The following MRPL30 variants were observed in gnomAD, a reference collection of about 807,000 sequenced individuals.
MRPL30 encodes the protein mitochondrial ribosomal protein L30.
A neutral mutation model predicts 17.2 loss-of-function variants in MRPL30; 10 were observed. The ratio of observed to expected loss-of-function variants is 0.58; its 90% CI spans 0.36 to 0.99. MRPL30 has a LOEUF of 0.99. Among genes scored for constraint, MRPL30 ranks in the 50% least tolerant of loss-of-function variants. The pLI is 0.01. For missense variants in MRPL30, 170 were observed against 189.8 expected (o/e 0.90, Z 0.61); for synonymous variants, 61 against 62.1 (o/e 0.98, Z 0.08).
intron 3 of MRPL30, among the ~76,000 whole-genome samples, chr2:99,193,277 C>G (rs2093949944): frequency 6.6e-6 from 1 of 152,214 alleles, no homozygotes; most frequent in Admixed American, 6.5e-5. Context: ...CAATGAGATA[C>G]TACCTCATGC....
chr2:99,184,601 G>C (rs746153238), intron 1 of MRPL30, among the ~76,000 whole-genome samples: 167 of 152,198 alleles, frequency 1.1e-3, no homozygotes, highest in Non-Finnish European at 1.7e-3. Flanking sequence ...ATTTATTGCT[G>C]ATATACAAAA....
rs1462673010 is a variant in MRPL30 at position 99,198,976 on chromosome 2, A to G, written c.*3271A>G. Among the ~76,000 whole-genome samples the G allele has an allele frequency of 6.6e-6, 1 of 152,000 alleles. No homozygotes were observed. The highest frequency in any genetic ancestry group is 1.5e-5 in the Non-Finnish European group (1 of 67,996). Reference sequence around the variant, plus strand: ...TTTTCTCATAAGAATGCTAGCTAGTATGCCTATTATCTAACTGGCACAGTT... The same window carrying G: ...TTTTCTCATAAGAATGCTAGCTAGTGTGCCTATTATCTAACTGGCACAGTT... On this transcript the variant is annotated 3_prime_UTR_variant, in exon 6 of 6. Coordinates refer to ENST00000338148, the MANE Select transcript of MRPL30 (RefSeq NM_145212.4).
At chr2:99,183,521 A>G (rs1468158840) in intron 1 of MRPL30, among the ~76,000 whole-genome samples, 1 of 150,384 alleles carries the variant, frequency 6.6e-6, no homozygotes, top group African/African-American at 2.4e-5. Context: ...GTGAGCCAAG[A>G]TTGGGCCACT....
intron 3 of MRPL30, among the ~76,000 whole-genome samples, chr2:99,191,213 G>T (rs1270226986): frequency 6.6e-6 from 1 of 151,992 alleles, no homozygotes; most frequent in Non-Finnish European, 1.5e-5. Flanking sequence ...CACCATGCTG[G>T]CCAGGATGGT....
At chr2:99,184,110 A>G (rs1241158129) in intron 1 of MRPL30, among the ~76,000 whole-genome samples, 1 of 152,014 alleles carries the variant, frequency 6.6e-6, no homozygotes, top group East Asian at 1.9e-4. Flanking sequence ...TTTGGTTTGG[A>G]TTATAAGCCA....
In MRPL30 at chr2:99,198,999, G is replaced by A. The variant is rs1033766838; in HGVS notation, c.*3294G>A. ...GTATGCCTATTATCTAACTGGCACA[G>A]TTTCACCAAGGACAGTTTGGAACTA... On this transcript the variant is annotated 3_prime_UTR_variant, in exon 6 of 6. Coordinates refer to ENST00000338148, the MANE Select transcript of MRPL30 (RefSeq NM_145212.4). Among the ~76,000 whole-genome samples the A allele has an allele frequency of 2.0e-5, 3 of 151,806 alleles. No individual in the cohort carries two copies. The highest frequency in any genetic ancestry group is 6.6e-5 in the Admixed American group (1 of 15,226).
intron 3 of MRPL30, among the ~76,000 whole-genome samples, chr2:99,189,736 G>A (rs927823702): frequency 6.6e-6 from 1 of 152,086 alleles, no homozygotes. Context: ...TGTTTTGGGT[G>A]GGGGGTTCCT....
At chr2:99,195,532 A>C in intron 5 of MRPL30, 41 bp from the exon 6 acceptor site, 5 of 1,574,444 alleles carry the variant, frequency 3.2e-6, no homozygotes, top group Non-Finnish European at 4.3e-6. Flanking sequence ...AGAACGCTAG[A>C]ACGTATTCCT....
At chr2:99,181,840 C>T (rs1459465720) in intron 1 of MRPL30, among the ~76,000 whole-genome samples, 1 of 152,198 alleles carries the variant, frequency 6.6e-6, no homozygotes, top group Non-Finnish European at 1.5e-5. Flanking sequence ...AAGAGACACG[C>T]TTCCAGCTTT....
intron 3 of MRPL30, among the ~76,000 whole-genome samples, chr2:99,193,952 C>T (rs1018944426): frequency 1.1e-4 from 17 of 151,318 alleles, no homozygotes; most frequent in African/African-American, 2.4e-4. Flanking sequence ...GCAAGAGAAT[C>T]GCTTGAACCT....
rs1376895954 is a variant in MRPL30 at position 99,195,557 on chromosome 2, T to C, written c.354-16T>C. 2.8e-5 allele frequency: 44 copies of C among 1,591,020 alleles called. No homozygotes were observed. Among genetic ancestry groups the C allele is most frequent in the Non-Finnish European group, 3.6e-5 (42 of 1,173,912 alleles). ...AACGTATTCCTCCTATCTAAACGCA[T>C]TTTCTTGTGTCACAGAATCAAGCCC... is the stretch of plus-strand genomic sequence containing the variant. On this transcript the variant is annotated splice_polypyrimidine_tract_variant and intron_variant, in intron 5 of 5. Coordinates refer to ENST00000338148, the MANE Select transcript of MRPL30 (RefSeq NM_145212.4).
rs149730987 is a variant in MRPL30 at position 99,197,990 on chromosome 2, G to A, written c.*2285G>A. On this transcript the variant is annotated 3_prime_UTR_variant, in exon 6 of 6. Transcript: ENST00000338148. ...TGTGTAAATAGGGGAAAATACCATGGTTAATTTTTACTCAAACAGTAAGAA... is the reference window on the plus strand; with the variant it reads ...TGTGTAAATAGGGGAAAATACCATGATTAATTTTTACTCAAACAGTAAGAA... Among the ~76,000 whole-genome samples the A allele has an allele frequency of 6.6e-6, 1 of 152,178 alleles. No individual in the cohort carries two copies. The highest frequency in any genetic ancestry group is 2.4e-5 in the African/African-American group (1 of 41,518).
intron 1 of MRPL30, among the ~76,000 whole-genome samples, chr2:99,181,728 C>G (rs866094585): frequency 2.0e-5 from 3 of 151,952 alleles, no homozygotes; most frequent in Middle Eastern, 3.4e-3. Context: ...TGATTTGTTA[C>G]CATTTTGATC....
At position 99,195,863 on chromosome 2, in the gene MRPL30, C is replaced by T; in HGVS notation, c.*158C>T. On this transcript the variant is annotated 3_prime_UTR_variant, in exon 6 of 6. Transcript: ENST00000338148. Reference sequence around the variant, plus strand: ...TTGGGAGGCCAAGGCGGGCAGATCACCTGAGGTCAAGAGTTCGAGACCAGC... The same window carrying T: ...TTGGGAGGCCAAGGCGGGCAGATCATCTGAGGTCAAGAGTTCGAGACCAGC... 1.0e-6 allele frequency: 1 copy of T among 998,176 alleles called. No individual in the cohort carries two copies. Among genetic ancestry groups the T allele is most frequent in the Non-Finnish European group, 1.4e-6 (1 of 706,976 alleles). The allele number at this position is 998,176 out of a possible 1,614,324, so 61.8% of individuals were successfully genotyped here. A position where few individuals can be genotyped will look rare whatever the true frequency, so the allele number is the denominator to read the frequency against.
At chr2:99,182,185 T>TA (rs1196586186) in intron 1 of MRPL30, among the ~76,000 whole-genome samples, 1 of 152,226 alleles carries the variant, frequency 6.6e-6, no homozygotes, top group East Asian at 1.9e-4. Context: ...ATTTTCCTGT[T>TA]TTACAGAAGA....
chr2:99,182,702 A>C (rs899145949), intron 1 of MRPL30, among the ~76,000 whole-genome samples: 1 of 152,256 alleles, frequency 6.6e-6, no homozygotes, highest in Non-Finnish European at 1.5e-5. Flanking sequence ...AAAACTTGTA[A>C]CTTTTGACTA....
At chr2:99,185,720 T>A (rs1366029174) in intron 1 of MRPL30, 1 of 425,204 alleles carries the variant, frequency 2.4e-6, no homozygotes, top group Non-Finnish European at 4.8e-6. Flanking sequence ...CCACAAACTT[T>A]ATTGATAGCT....
At chr2:99,189,444 G>A (rs913974969) in intron 3 of MRPL30, among the ~76,000 whole-genome samples, 1 of 152,128 alleles carries the variant, frequency 6.6e-6, no homozygotes, top group Non-Finnish European at 1.5e-5. Context: ...TACCTGTAAG[G>A]TTCCTCCATG....
chr2:99,185,776 T>A (rs1398848559), intron 1 of MRPL30: 2 of 449,766 alleles, frequency 4.4e-6, no homozygotes, highest in African/African-American at 4.0e-5. Context: ...TTCATGATCC[T>A]CATTCATAAA....
Sources: allele counts gnomAD v4.1 joint callset (sites outside exome capture counted in the v4.1 genomes callset), GRCh38; gene constraint gnomAD v4.1.1; transcripts MANE v1.5; gene names NCBI Gene and HGNC (gene_info 2026-07-23, HGNC 2026-07-21).